Variants in TAF2 observed in about 807,000 individuals in gnomAD.
TAF2 encodes the protein transcription initiation factor TFIID subunit 2.
Under a neutral mutation model 138.5 loss-of-function variants are expected in TAF2, and 61 were observed. That is an observed-to-expected ratio of 0.44 (90% confidence interval 0.36 to 0.54). TAF2 has a LOEUF of 0.54. TAF2 is among the 20% of genes least tolerant of loss of function. TAF2 has a pLI of 0.00. For missense variants in TAF2, 1,090 were observed against 1,427.9 expected, an observed-to-expected ratio of 0.76 and a Z score of 3.81; for synonymous variants, 475 against 469.9, an observed-to-expected ratio of 1.01 and a Z score of -0.14.
chr8:119,773,465 T>C (rs1268068474), intron 18 of TAF2, among the ~76,000 whole-genome samples: 2 of 151,578 alleles, frequency 1.3e-5, no homozygotes, highest in African/African-American at 4.8e-5. Context: ...TTCTTAGACT[T>C]ACAGAGGGTT....
At chr8:119,828,627 TAAA>T (rs1826246856) in intron 2 of TAF2, among the ~76,000 whole-genome samples, 1 of 152,098 alleles carries the variant, frequency 6.6e-6, no homozygotes, top group Admixed American at 6.5e-5. Flanking sequence ...GGTGAAGAAA[TAAA>T]GCAGTATGTA....
intron 17 of TAF2, among the ~76,000 whole-genome samples, chr8:119,780,658 G>T (rs541563013): frequency 1.3e-5 from 2 of 152,104 alleles, no homozygotes; most frequent in Non-Finnish European, 2.9e-5. Flanking sequence ...AAAAGAGGCC[G>T]GGCGCGGTGG....
Position 119,788,411 on chromosome 8 carries a change from A to C in TAF2, c.1720T>G (p.Ser574Ala), listed in dbSNP as rs201714849. ...LKVTVQELDG[S>A]FNHTLQIEEN... ...TCAATTTGCAGTGTATGATTGAAGG[A>C]TCCATCTAACTCCTGCACTGTCACT... The change falls in exon 14 of 26, where the codon TCC becomes GCC. Residue 574 changes from serine (S) to alanine (A), a missense_variant. This residue lies in a region of TAF2 where 504 missense variants were observed against 680.9 expected (regional missense o/e 0.74). Coordinates refer to ENST00000378164, the MANE Select transcript of TAF2 (RefSeq NM_003184.4). 3.1e-6 allele frequency: 5 copies of C among 1,613,526 alleles called. No homozygotes were observed. The highest frequency in any genetic ancestry group is 4.2e-6 in the Non-Finnish European group (5 of 1,179,872).
rs1823768916 is a variant in TAF2, at chr8:119,795,613, C to T, written c.1110G>A (p.Leu370=). 6.2e-7 allele frequency: 1 copy of T among 1,613,750 alleles called. No homozygotes were observed. The highest frequency in any genetic ancestry group is 8.5e-7 in the Non-Finnish European group (1 of 1,179,806). The change falls in exon 9 of 26, where the codon CTG becomes CTA. Residue 370 remains leucine (L), a synonymous_variant. Transcript: ENST00000378164. ...SRMSWSDEWV[L]KGISGYIYGL... The stretch of plus-strand genomic sequence containing the variant: ...CATAGATATAGCCTGAAATTCCCTT[C>T]AGCACCCATTCATCAGACCTAAGCA...
At chr8:119,761,771 G>A (rs1405539600) in intron 19 of TAF2, 1 of 150,276 alleles carries the variant, frequency 6.7e-6, no homozygotes, top group Non-Finnish European at 1.5e-5. Context: ...CTGCACTCCA[G>A]CCTGGGGAAC....
rs759203205 is a variant in TAF2, at chr8:119,795,553, C to G, written c.1170G>C (p.Glu390Asp). ...LWMKKTFGVNEYRHWIKEELD... is the reference protein window; with the variant it reads ...LWMKKTFGVNDYRHWIKEELD... ...TTACCTCTTTAATCCAATGGCGGTA[C>G]TCATTAACACCAAAAGTTTTTTTCA... Residue 390 changes from glutamate (E) to aspartate (D), a missense_variant, in exon 9 of 26, where the codon GAG (glutamate) becomes GAC (aspartate). Coordinates refer to ENST00000378164, the MANE Select transcript of TAF2 (RefSeq NM_003184.4). 8.1e-6 allele frequency: 13 copies of G among 1,613,648 alleles called. No individual in the cohort carries two copies. The highest frequency in any genetic ancestry group is 9.3e-6 in the Non-Finnish European group (11 of 1,179,716).
chr8:119,771,649 A>C (rs1821848587), intron 18 of TAF2, among the ~76,000 whole-genome samples: 1 of 152,164 alleles, frequency 6.6e-6, no homozygotes. Flanking sequence ...CAAAACCAAG[A>C]ATTAATTTTA....
intron 25 of TAF2, among the ~76,000 whole-genome samples, chr8:119,735,310 A>AAATG (rs1244453822): frequency 6.6e-5 from 10 of 152,202 alleles, no homozygotes; most frequent in African/African-American, 2.4e-4. Flanking sequence ...AAAGCTTGCT[A>AAATG]AATGAATGAA....
At chr8:119,775,908 T>C (rs1822197521) in intron 18 of TAF2, among the ~76,000 whole-genome samples, 1 of 152,228 alleles carries the variant, frequency 6.6e-6, no homozygotes, top group South Asian at 2.1e-4. Flanking sequence ...TATGTTAATT[T>C]AGTGTTACTA....
Position 119,791,438 on chromosome 8 carries a change from A to C in TAF2, c.1299T>G (p.Phe433Leu). 2.5e-6 allele frequency: 4 copies of C among 1,613,752 alleles called. No homozygotes were observed. Among genetic ancestry groups the C allele is most frequent in the Non-Finnish European group, 3.4e-6 (4 of 1,179,800 alleles). The change falls in exon 11 of 26, where the codon TTT (phenylalanine) becomes TTG (leucine). Residue 433 changes from phenylalanine to leucine, a missense_variant. By Grantham distance (22) the Phe-to-Leu change is conservative. This residue lies in a region of TAF2 where 504 missense variants were observed against 680.9 expected (regional missense o/e 0.74). Transcript: ENST00000378164. Reference protein sequence around the residue: ...EKDNPASHLHFSIKHPHTLSW... With the variant: ...EKDNPASHLHLSIKHPHTLSW... ...ACAGTGTATGTGGATGCTTTATTGA[A>C]AAGTGTAGATGGGAAGCCGGACTAA... is the stretch of plus-strand genomic sequence containing the variant.
intron 2 of TAF2, among the ~76,000 whole-genome samples, chr8:119,825,267 T>G (rs1249843958): frequency 6.6e-6 from 1 of 152,256 alleles, no homozygotes; most frequent in Admixed American, 6.5e-5. Flanking sequence ...ATGGGGCCTG[T>G]AGCCCCTTTG....
At chr8:119,808,927 T>A (rs1263042221) in intron 3 of TAF2, among the ~76,000 whole-genome samples, 2 of 152,198 alleles carry the variant, frequency 1.3e-5, no homozygotes, top group African/African-American at 2.4e-5. Context: ...AGATTTAGCA[T>A]AATTGTTAAG....
intron 18 of TAF2, among the ~76,000 whole-genome samples, chr8:119,776,846 A>G (rs12541733): frequency 0.087 from 13,183 of 152,156 alleles, 763 homozygotes; most frequent in Non-Finnish European, 0.12. Flanking sequence ...CACTACTTCT[A>G]TACAAAACTT....
At chr8:119,822,186 C>T (rs529189990) in intron 2 of TAF2, among the ~76,000 whole-genome samples, 10 of 151,958 alleles carry the variant, frequency 6.6e-5, no homozygotes, top group African/African-American at 2.2e-4. Flanking sequence ...CTATGAAATT[C>T]CCCAACATTT....
intron 18 of TAF2, among the ~76,000 whole-genome samples, chr8:119,776,352 T>C (rs1424585504): frequency 7.3e-5 from 11 of 151,680 alleles, no homozygotes; most frequent in Non-Finnish European, 1.6e-4. Context: ...CTGTGCTTTT[T>C]TTTTTTTTTT....
intron 22 of TAF2, among the ~76,000 whole-genome samples, chr8:119,752,092 G>A (rs1458245671): frequency 6.6e-6 from 1 of 152,024 alleles, no homozygotes; most frequent in Admixed American, 6.6e-5. Context: ...TAAAGAAAGA[G>A]AAGGAAAAGG....
At position 119,831,734 on chromosome 8, in the gene TAF2, A is replaced by G; in HGVS notation, c.84-3T>C. On this transcript the variant is annotated splice_polypyrimidine_tract_variant and splice_region_variant and intron_variant, in intron 1 of 25. Coordinates refer to ENST00000378164, the MANE Select transcript of TAF2 (RefSeq NM_003184.4). The stretch of plus-strand genomic sequence containing the variant: ...TGATGCAGACGACCTGATGGGTTGT[A>G]TATTAATAAATATAAAAAGAAAATA... 6.5e-7 allele frequency: 1 copy of G among 1,548,974 alleles called. No individual in the cohort carries two copies. Among genetic ancestry groups the G allele is most frequent in the Non-Finnish European group, 8.8e-7 (1 of 1,141,004 alleles).
At chr8:119,788,769 C>T (rs1160976046) in intron 13 of TAF2, 21 bp downstream of exon 13, 2 of 1,555,336 alleles carry the variant, frequency 1.3e-6, no homozygotes, top group African/African-American at 1.4e-5. Context: ...AGTACAAAGG[C>T]GATTTTGGAA....
chr8:119,795,435 T>A (rs1160356735), intron 9 of TAF2, 97 bp downstream of exon 9: 6 of 1,043,090 alleles, frequency 5.8e-6, no homozygotes, highest in East Asian at 2.5e-5. Context: ...CTGGGAAAAA[T>A]TAGGGATTTT....
Sources: allele counts gnomAD v4.1 joint callset (sites outside exome capture counted in the v4.1 genomes callset), GRCh38; gene constraint gnomAD v4.1.1; regional missense constraint gnomAD v4.1.1; transcripts MANE v1.5; gene names NCBI Gene and HGNC (gene_info 2026-07-23, HGNC 2026-07-21).